LMO7: variants seen among roughly 807,000 people sequenced by gnomAD.
LMO7 encodes LIM domain 7, also known as LIM domain only protein 7.
In LMO7, 120 loss-of-function variants were observed where a neutral mutation model predicts 206.5. That is an observed-to-expected ratio of 0.58 (90% CI 0.50 to 0.68). The LOEUF is 0.68. LMO7 is among the 30% of genes least tolerant of loss of function. The pLI, the probability that LMO7 is intolerant of heterozygous loss-of-function variation, is 0.00. For synonymous variants in LMO7, 706 were observed against 681.5 expected (o/e 1.04, Z -0.56); for missense variants, 1,959 against 1,957.9 (o/e 1.00, Z -0.01).
At chr13:75,675,071 CTTTTCTT>C (rs1397765394) in intron 1 of LMO7, among the ~76,000 whole-genome samples, 2 of 142,268 alleles carry the variant, frequency 1.4e-5, no homozygotes, top group African/African-American at 5.1e-5. Flanking sequence ...ATTTCTTTTT[CTTTTCTT>C]TTTTCTTTTT....
At chr13:75,809,050 T>C in intron 10 of LMO7, 104 bp from the exon 11 acceptor site, 3 of 834,562 alleles carry the variant, frequency 3.6e-6, no homozygotes, top group Non-Finnish European at 6.2e-6. Flanking sequence ...CTTTTGAGAT[T>C]TGTCCGTCTC....
chr13:75,852,025 C>A (rs1222634253), intron 27 of LMO7, among the ~76,000 whole-genome samples: 1 of 152,008 alleles, frequency 6.6e-6, no homozygotes, highest in Non-Finnish European at 1.5e-5. Flanking sequence ...GGTATCTAAC[C>A]TAATGCTTGT....
intron 4 of LMO7, among the ~76,000 whole-genome samples, chr13:75,771,555 C>T (rs9544042): frequency 0.017 from 346 of 20,690 alleles, 2 homozygotes; most frequent in East Asian, 0.04. Context: ...TCTTTAAAAA[C>T]AGAATTTTTA....
chr13:75,705,053 T>A (rs1400425564), intron 1 of LMO7, among the ~76,000 whole-genome samples: 1 of 152,220 alleles, frequency 6.6e-6, no homozygotes, highest in Non-Finnish European at 1.5e-5. Flanking sequence ...TAAGACAGGT[T>A]TGGCAGAGGT....
chr13:75,854,319 G>T (rs7995442), intron 28 of LMO7, among the ~76,000 whole-genome samples: 108,100 of 152,054 alleles, frequency 0.71, 38,637 homozygotes, highest in Middle Eastern at 0.84. Flanking sequence ...TAATTTTACA[G>T]GTACTAGTAT....
chr13:75,759,166 G>A (rs915696711), intron 3 of LMO7, among the ~76,000 whole-genome samples: 2 of 152,036 alleles, frequency 1.3e-5, no homozygotes, highest in Non-Finnish European at 2.9e-5. Context: ...GAACAGCATG[G>A]GGGAAACTGC....
At chr13:75,716,237 C>T (rs529586072) in intron 2 of LMO7, among the ~76,000 whole-genome samples, 8 of 152,094 alleles carry the variant, frequency 5.3e-5, no homozygotes, top group African/African-American at 1.4e-4. Context: ...GTCAAAAGTT[C>T]GAATAGCTTA....
chr13:75,808,145 A>G lies in LMO7; in HGVS notation c.1862A>G (p.Glu621Gly), dbSNP rs1336860813. Residue 621 changes from glutamate to glycine, a missense_variant, in exon 10 of 31, where the codon GAG becomes GGG. Coordinates refer to ENST00000377534, the MANE Select transcript of LMO7 (RefSeq NM_001306080.2). ...AGTGAGGCTGACTTGAAGAGATGGG[A>G]GGCCATCCGGGAGGCCAGCAGACTT... ...PCSEADLKRW[E>G]AIREASRLRH... The G allele has an allele frequency of 1.9e-6, 3 of 1,613,844 alleles. No homozygotes were observed. In the Admixed American group the frequency reaches 5.0e-5, roughly 27 times the overall value.
At chr13:75,857,826 C>T (rs978195993) in intron 30 of LMO7, 95 bp from the exon 31 acceptor site, 3 of 757,038 alleles carry the variant, frequency 4.0e-6, no homozygotes, top group Non-Finnish European at 6.4e-6. Flanking sequence ...CCTCATTGGG[C>T]CACTTTCTGA....
chr13:75,731,097 T>G (rs998498575), intron 3 of LMO7, among the ~76,000 whole-genome samples: 1 of 152,158 alleles, frequency 6.6e-6, no homozygotes, highest in South Asian at 2.1e-4. Flanking sequence ...GAAAAAAATG[T>G]ATATTCTGTT....
At chr13:75,626,595 A>T (rs150773778) in intron 2 of LMO7, among the ~76,000 whole-genome samples, 1,603 of 71,088 alleles carry the variant, frequency 0.023, 217 homozygotes, top group East Asian at 0.22. Flanking sequence ...ATATATATAA[A>T]TTTTTTTGAG....
chr13:75,802,232 A>G (rs2054845443), intron 7 of LMO7, among the ~76,000 whole-genome samples: 1 of 152,232 alleles, frequency 6.6e-6, no homozygotes, highest in Non-Finnish European at 1.5e-5. Flanking sequence ...AGTTTTTAAA[A>G]ATAAAAAATG....
At chr13:75,723,042 A>G (rs1343833491) in intron 2 of LMO7, among the ~76,000 whole-genome samples, 1 of 151,954 alleles carries the variant, frequency 6.6e-6, no homozygotes. Flanking sequence ...GTTGAGGGAT[A>G]AAAGACTACA....
rs141789756 is a variant in LMO7, at chr13:75,742,172, C to A, written c.210+15074C>A. 7.0e-3 allele frequency among the ~76,000 whole-genome samples: 1,069 copies of A among 152,088 alleles called. 37 individuals are homozygous for A. The highest frequency in any genetic ancestry group is 0.051 in the Admixed American group (773 of 15,264). On this transcript the variant is annotated intron_variant, in intron 3 of 30. Coordinates refer to ENST00000377534, the MANE Select transcript of LMO7 (RefSeq NM_001306080.2). ...ACGTAGGAATACAGCTAACCAGGGACGTGAAAGATCTCTACAATGAGAACT... is the reference window on the plus strand; with the variant it reads ...ACGTAGGAATACAGCTAACCAGGGAAGTGAAAGATCTCTACAATGAGAACT...
intron 7 of LMO7, among the ~76,000 whole-genome samples, chr13:75,802,352 G>A (rs2054864142): frequency 6.6e-6 from 1 of 152,158 alleles, no homozygotes; most frequent in African/African-American, 2.4e-5. Context: ...ATACGTTTAA[G>A]GAAATGAATC....
At chr13:75,797,441 C>T (rs1218748325) in intron 6 of LMO7, among the ~76,000 whole-genome samples, 2 of 152,158 alleles carry the variant, frequency 1.3e-5, no homozygotes, top group Admixed American at 6.5e-5. Flanking sequence ...ATGGGAAAAA[C>T]GAATTTCTCT....
chr13:75,783,269 C>G (rs1319095666), intron 4 of LMO7, among the ~76,000 whole-genome samples: 1 of 152,160 alleles, frequency 6.6e-6, no homozygotes, highest in African/African-American at 2.4e-5. Flanking sequence ...AAGTTGGTTA[C>G]ACTTGCTAGA....
chr13:75,693,135 G>A (rs1417466380), intron 1 of LMO7, among the ~76,000 whole-genome samples: 2 of 152,122 alleles, frequency 1.3e-5, no homozygotes, highest in Non-Finnish European at 2.9e-5. Context: ...GTATTATCTG[G>A]CCTTTTTTTG....
At chr13:75,794,642 T>G (rs2053727370) in intron 4 of LMO7, among the ~76,000 whole-genome samples, 1 of 152,198 alleles carries the variant, frequency 6.6e-6, no homozygotes, top group Non-Finnish European at 1.5e-5. Flanking sequence ...CGATCCTGCT[T>G]AAGTGTCTCT....
Sources: allele counts gnomAD v4.1 joint callset (sites outside exome capture counted in the v4.1 genomes callset), GRCh38; gene constraint gnomAD v4.1.1; transcripts MANE v1.5; gene names NCBI Gene and HGNC (gene_info 2026-07-23, HGNC 2026-07-21).